EXD3: variants seen among roughly 807,000 people sequenced by gnomAD.
EXD3 encodes the protein exonuclease mut-7 homolog.
A neutral mutation model predicts 98.0 loss-of-function variants in EXD3; 92 were observed. That is an observed-to-expected ratio of 0.94 (90% CI 0.79 to 1.12). The LOEUF (loss-of-function observed/expected upper bound fraction) is 1.12, where lower values mean the gene tolerates loss of function less well. EXD3 is among the 50% of genes most tolerant of loss of function. The pLI is 0.00. For missense variants in EXD3, 1,222 were observed against 1,191.6 expected, an observed-to-expected ratio of 1.03 and a Z score of -0.38; for synonymous variants, 569 against 526.0, an observed-to-expected ratio of 1.08 and a Z score of -1.12.
At chr9:137,410,666 C>T (rs1441543674) in intron 1 of EXD3, among the ~76,000 whole-genome samples, 18 of 152,290 alleles carry the variant, frequency 1.2e-4, no homozygotes, top group African/African-American at 2.4e-5. Flanking sequence ...GACGACACAG[C>T]TGGGTCCCTA....
chr9:137,353,730 T>C (rs1056848352), intron 10 of EXD3: 57 of 985,440 alleles, frequency 5.8e-5, no homozygotes, highest in Non-Finnish European at 6.7e-5. Context: ...CTGGAGTCCA[T>C]GGGTCCAGGA....
At position 137,373,602 on chromosome 9, in the gene EXD3, G is replaced by C. The variant is rs1413455305; in HGVS notation, c.121-3C>G. 2 of 1,595,220 alleles carry C rather than the reference G, an allele frequency of 1.3e-6. No homozygotes were observed. The highest frequency in any genetic ancestry group is 1.7e-6 in the Non-Finnish European group (2 of 1,171,236). On this transcript the variant is annotated splice_polypyrimidine_tract_variant and splice_region_variant and intron_variant, in intron 3 of 21. Coordinates refer to ENST00000340951, the MANE Select transcript of EXD3 (RefSeq NM_017820.5). ...CCCCGCCAGGCTTCCTCCCGGAGCT[G>C]TGGAGACACAAAACCACACTGGCAC...
chr9:137,336,550 C>T lies in EXD3; in HGVS notation c.1998+11521G>A, dbSNP rs187175719. Among the ~76,000 whole-genome samples the T allele has an allele frequency of 2.6e-3, 396 of 151,652 alleles. 1 individual carries two copies. The Middle Eastern group carries it at 0.051, about 20-fold the overall frequency. On this transcript the variant is annotated intron_variant, in intron 17 of 21. Transcript: ENST00000340951. Reference sequence around the variant, plus strand: ...GTGCTGGGTGCCTGTAGTCTCAGCTCCTCAGAAGGCTGAGGCAGAGCTGCT... The same window carrying T: ...GTGCTGGGTGCCTGTAGTCTCAGCTTCTCAGAAGGCTGAGGCAGAGCTGCT...
Position 137,407,888 on chromosome 9 carries a change from C to T in EXD3, c.-47-12484G>A, listed in dbSNP as rs1482946970. Among the ~76,000 whole-genome samples the T allele has an allele frequency of 6.6e-6, 1 of 152,032 alleles. No individual in the cohort carries two copies. The highest frequency in any genetic ancestry group is 1.5e-5 in the Non-Finnish European group (1 of 67,986). ...CTGGGGGGAGGCCGGAGGGGGCTTT[C>T]CCCTTGGGCACCATGGACACCCCAG... On this transcript the variant is annotated intron_variant, in intron 1 of 21. Transcript: ENST00000340951. This position sits in a 1 kb window ranked among gnomAD's most constrained non-coding sequence, Gnocchi z 4.4.
chr9:137,355,678 TGGAGGAAGGAGAAAGGGAGGAAGG>T (rs1834714257), intron 8 of EXD3, among the ~76,000 whole-genome samples: 4 of 10,920 alleles, frequency 3.7e-4, no homozygotes, highest in African/African-American at 1.5e-3. Context: ...AAAGGGAGGA[TGGAGGAAGGAGAAAGGGAGGAAGG>T]AGGAAGGAGG....
intron 17 of EXD3, among the ~76,000 whole-genome samples, chr9:137,332,460 A>G (rs1259448478): frequency 1.3e-5 from 2 of 151,356 alleles, no homozygotes; most frequent in Admixed American, 6.6e-5. Flanking sequence ...GGTAGTGGGC[A>G]CCTGTAGTCC....
chr9:137,324,162 C>G lies in EXD3; in HGVS notation c.1999-19G>C. The G allele has an allele frequency of 6.4e-7, 1 of 1,565,958 alleles. No individual in the cohort carries two copies. Among genetic ancestry groups the G allele is most frequent in the Non-Finnish European group, 8.7e-7 (1 of 1,155,810 alleles). On this transcript the variant is annotated intron_variant, in intron 17 of 21. Coordinates refer to ENST00000340951, the MANE Select transcript of EXD3 (RefSeq NM_017820.5). This position sits in a 1 kb window ranked among gnomAD's most constrained non-coding sequence, Gnocchi z 4.1. The stretch of plus-strand genomic sequence containing the variant: ...TGGCAACCTGTGTGGGAGGTGCGAC[C>G]AGCACATAAAGGGGGCAGCTCCGTG...
At chr9:137,336,480 G>A (rs10156661) in intron 17 of EXD3, among the ~76,000 whole-genome samples, 2,308 of 152,042 alleles carry the variant, frequency 0.015, 35 homozygotes, top group African/African-American at 0.05. Context: ...GGCCAACATG[G>A]CGAAACCTCA....
chr9:137,381,997 C>T (rs1364075646), intron 3 of EXD3, among the ~76,000 whole-genome samples: 1 of 146,898 alleles, frequency 6.8e-6, no homozygotes, highest in Admixed American at 6.7e-5. Context: ...GAGGTGAGGA[C>T]GCGGGGAGGA....
chr9:137,340,124 A>G (rs1833568448), intron 17 of EXD3, among the ~76,000 whole-genome samples: 2 of 152,232 alleles, frequency 1.3e-5, no homozygotes, highest in Non-Finnish European at 2.9e-5. Flanking sequence ...ACAAAAATCT[A>G]AAGTTCCTGG....
chr9:137,354,508 C>T, intron 9 of EXD3, 131 bp from the exon 10 acceptor site: 4 of 1,544,706 alleles, frequency 2.6e-6, no homozygotes, highest in Non-Finnish European at 2.6e-6. Flanking sequence ...CGCCCTGGTG[C>T]CACAGCCCAG....
chr9:137,353,817 C>G, intron 10 of EXD3: 1 of 986,356 alleles, frequency 1.0e-6, no homozygotes, highest in South Asian at 4.7e-5. Context: ...CACCCCACGG[C>G]CTCGAGGAGG....
intron 1 of EXD3, among the ~76,000 whole-genome samples, chr9:137,397,382 A>C (rs1837268041): frequency 6.6e-6 from 1 of 152,190 alleles, no homozygotes; most frequent in Non-Finnish European, 1.5e-5. Context: ...CACAACCCCA[A>C]GTTCAAGGGA....
intron 7 of EXD3, chr9:137,365,737 C>G: frequency 6.3e-6 from 2 of 317,798 alleles, no homozygotes; most frequent in South Asian, 5.3e-5. Context: ...CACACACCTA[C>G]AGGCACACAC....
intron 7 of EXD3, chr9:137,365,503 T>C (rs867740929): frequency 4.5e-5 from 7 of 157,144 alleles, no homozygotes; most frequent in Admixed American, 6.2e-5. Flanking sequence ...CACACACACA[T>C]GCACACCTGC....
At chr9:137,370,134 G>A (rs1248401953) in intron 5 of EXD3, among the ~76,000 whole-genome samples, 1 of 152,118 alleles carries the variant, frequency 6.6e-6, no homozygotes, top group Non-Finnish European at 1.5e-5. Context: ...CTGGGGGGTG[G>A]CTAGTAGCAG....
chr9:137,328,703 C>CACACGGGACTACACGGGACT (rs1832677751), intron 17 of EXD3, among the ~76,000 whole-genome samples: 1 of 27,650 alleles, frequency 3.6e-5, no homozygotes. Context: ...TACACAGGGT[C>CACACGGGACTACACGGGACT]ACACGGGACT....
At chr9:137,382,170 C>CGGAGGAGGTGAGGGCGCAT (rs1554730790) in intron 3 of EXD3, among the ~76,000 whole-genome samples, 2 of 106,704 alleles carry the variant, frequency 1.9e-5, no homozygotes, top group Non-Finnish European at 3.7e-5. Context: ...TGGGAGCATG[C>CGGAGGAGGTGAGGGCGCAT]GGAGGAGGTG....
Position 137,328,624 on chromosome 9 carries a change from A to G in EXD3, c.1999-4481T>C, listed in dbSNP as rs1410021237. Among the ~76,000 whole-genome samples the G allele has an allele frequency of 1.2e-4, 11 of 91,912 alleles. 2 individuals are homozygous for G. Among genetic ancestry groups the G allele is most frequent in the African/African-American group, 6.7e-4 (11 of 16,342 alleles). 60.3% of individuals were successfully genotyped at this position (91,912 alleles called of 152,430 possible). A position where few individuals can be genotyped will look rare whatever the true frequency, so the allele number is the denominator to read the frequency against. ...GGACTACACGGGGCTACACGGGACT[A>G]CACGGGACTACACGGGGCTACACGG... On this transcript the variant is annotated intron_variant, in intron 17 of 21. Coordinates refer to ENST00000340951, the MANE Select transcript of EXD3 (RefSeq NM_017820.5).
Sources: gnomAD v4.1 joint callset for allele counts (sites outside exome capture counted in the v4.1 genomes callset) on GRCh38, gnomAD v4.1.1 for gene constraint, Gnocchi (gnomAD v3.1) non-coding constraint, MANE v1.5 for transcripts, NCBI Gene and HGNC (gene_info 2026-07-23, HGNC 2026-07-21) for gene names.